RMC1: variants seen among roughly 807,000 people sequenced by gnomAD.
RMC1 encodes regulator of MON1-CCZ1 complex.
A neutral mutation model predicts 95.5 loss-of-function variants in RMC1; 44 were observed. The observed-to-expected ratio is 0.46, with a 90% CI of 0.36 to 0.59. The LOEUF (loss-of-function observed/expected upper bound fraction) is 0.59, where lower values mean the gene tolerates loss of function less well. Among genes scored for constraint, RMC1 ranks in the 20% least tolerant of loss-of-function variants. The pLI, the probability that RMC1 is intolerant of heterozygous loss-of-function variation, is 0.00. For synonymous variants in RMC1, 320 were observed against 303.6 expected, an observed-to-expected ratio of 1.05 and a Z score of -0.56; for missense variants, 705 against 819.6, an observed-to-expected ratio of 0.86 and a Z score of 1.71.
At chr18:23,503,781 GC>G in intron 1 of RMC1, 61 bp downstream of exon 1, 1 of 1,414,734 alleles carries the variant, frequency 7.1e-7, no homozygotes, top group Non-Finnish European at 9.5e-7. Context: ...GCGCGCCAAG[GC>G]CGGTCCCGCG....
chr18:23,529,412 A>C (rs1447386593), intron 15 of RMC1, 114 bp downstream of exon 15: 4 of 1,461,254 alleles, frequency 2.7e-6, no homozygotes, highest in Non-Finnish European at 3.6e-6. Flanking sequence ...GAATCACTGG[A>C]GTTTCCTTGG....
chr18:23,514,427 G>A (rs775019686), intron 5 of RMC1, among the ~76,000 whole-genome samples: 3 of 152,148 alleles, frequency 2.0e-5, no homozygotes, highest in African/African-American at 7.2e-5. Flanking sequence ...TGTGGTGGTG[G>A]GCGCCTATAA....
chr18:23,504,478 G>A (rs766399331), intron 2 of RMC1, 31 bp downstream of exon 2: 4 of 1,552,162 alleles, frequency 2.6e-6, no homozygotes, highest in East Asian at 2.2e-5. Context: ...AGATCATTTT[G>A]TCATGTAAAC....
chr18:23,506,708 A>G (rs916020436), intron 2 of RMC1: 10 of 344,894 alleles, frequency 2.9e-5, no homozygotes, highest in Admixed American at 1.9e-4. Flanking sequence ...TTATGTTGGA[A>G]CAATTCTCAG....
Position 23,516,325 on chromosome 18 carries a change from C to T in RMC1, c.555C>T (p.Gly185=). ...NVLQPFHFRA[G]TMSKLPKFEI... ...AACATTTTCCCCCTAAACAGGCTGG[C>T]ACTATGTCGAAGCTGCCCAAATTTG... Residue 185 remains glycine, a synonymous_variant, in exon 7 of 20, where the codon GGC becomes GGT. Coordinates refer to ENST00000269221, the MANE Select transcript of RMC1 (RefSeq NM_013326.5). The T allele has an allele frequency of 6.2e-7, 1 of 1,614,182 alleles. No individual in the cohort carries two copies. The highest frequency in any genetic ancestry group is 1.7e-5 in the Admixed American group (1 of 60,022).
At position 23,531,530 on chromosome 18, in the gene RMC1, A is replaced by G. The variant is rs953067560; in HGVS notation, c.1895-95A>G. ...AAACAATGTATTTTATTAAAGAAAA[A>G]TAAGTTAAAACCCAGTAGACACACC... On this transcript the variant is annotated intron_variant, in intron 19 of 19. Coordinates refer to ENST00000269221, the MANE Select transcript of RMC1 (RefSeq NM_013326.5). 7 of 1,526,226 alleles carry G rather than the reference A, an allele frequency of 4.6e-6. No homozygotes were observed. The Admixed American group carries it at 9.1e-5, about 20-fold the overall frequency. The allele number at this position is 1,526,226 out of a possible 1,614,324, so 94.5% of individuals were successfully genotyped here.
intron 2 of RMC1, among the ~76,000 whole-genome samples, chr18:23,505,305 G>T (rs1032385506): frequency 1.3e-5 from 2 of 152,012 alleles, no homozygotes; most frequent in Non-Finnish European, 2.9e-5. Flanking sequence ...AAAACGATCC[G>T]CCCGCCTCAG....
chr18:23,523,296 C>T (rs924262638), intron 10 of RMC1, among the ~76,000 whole-genome samples: 1 of 152,024 alleles, frequency 6.6e-6, no homozygotes, highest in Non-Finnish European at 1.5e-5. Context: ...CTGCATGGCT[C>T]ATGAGCAGTA....
At chr18:23,530,339 C>G in intron 18 of RMC1, 42 bp downstream of exon 18, 1 of 1,613,988 alleles carries the variant, frequency 6.2e-7, no homozygotes, top group Non-Finnish European at 8.5e-7. Context: ...GAAACTAACT[C>G]TGTTCCTGTT....
Position 23,516,398 on chromosome 18 carries a change from G to A in RMC1, c.628G>A (p.Glu210Lys). 1 of 1,614,188 alleles carries A rather than the reference G, an allele frequency of 6.2e-7. No individual in the cohort carries two copies. Among genetic ancestry groups the A allele is most frequent in the Non-Finnish European group, 8.5e-7 (1 of 1,180,028 alleles). The change falls in exon 7 of 20, where the codon GAA becomes AAA. Residue 210 changes from glutamate to lysine, a missense_variant. Glu to Lys is a moderately conservative substitution (Grantham distance 56, BLOSUM62 1). Transcript: ENST00000269221. ...APKSTKPSLS[E>K]RDIAMATIYG... The stretch of plus-strand genomic sequence containing the variant: ...TAAGTCAACTAAACCCAGCCTTTCC[G>A]AAAGAGACATCGCAATGGCTACCAT...
At chr18:23,515,796 G>A (rs2057986986) in intron 5 of RMC1, 60 bp from the exon 6 acceptor site, 1 of 1,603,676 alleles carries the variant, frequency 6.2e-7, no homozygotes, top group Admixed American at 1.7e-5. Flanking sequence ...GCCTCCCAAA[G>A]TGCTGGGATT....
At chr18:23,511,827 A>C (rs1294358450) in intron 5 of RMC1, among the ~76,000 whole-genome samples, 1 of 152,114 alleles carries the variant, frequency 6.6e-6, no homozygotes, top group African/African-American at 2.4e-5. Flanking sequence ...ATGCTTGTAC[A>C]CACTTCTTTA....
rs7245127 is a variant in RMC1, at chr18:23,515,960, G to A, written c.513G>A (p.Thr171=). Residue 171 remains threonine (T), a synonymous_variant, in exon 6 of 20, where the codon ACG becomes ACA. Coordinates refer to ENST00000269221, the MANE Select transcript of RMC1 (RefSeq NM_013326.5). The part of the protein sequence containing the change: ...PESAVILLST[T]VLENVLQPFH... The stretch of plus-strand genomic sequence containing the variant: ...GCGCCGTGATCTTGCTGTCTACCAC[G>A]GTCCTGGAGAATGTCCTGCAGCCTT... 2.1e-3 allele frequency: 3,358 copies of A among 1,614,020 alleles called. 61 individuals carry two copies. The African/African-American group carries it at 0.04, about 19-fold the overall frequency.
intron 5 of RMC1, among the ~76,000 whole-genome samples, chr18:23,515,585 A>G (rs907381450): frequency 6.6e-6 from 1 of 152,170 alleles, no homozygotes; most frequent in African/African-American, 2.4e-5. Flanking sequence ...CTGGAGTGTG[A>G]TGGTGCAATC....
At chr18:23,504,295 A>G in intron 1 of RMC1, 76 bp from the exon 2 acceptor site, 1 of 1,252,916 alleles carries the variant, frequency 8.0e-7, no homozygotes, top group Non-Finnish European at 1.2e-6. Context: ...AACAGAAATA[A>G]TCGCTTGCGG....
At chr18:23,511,181 A>G (rs554875668) in intron 5 of RMC1, among the ~76,000 whole-genome samples, 1 of 152,360 alleles carries the variant, frequency 6.6e-6, no homozygotes. Context: ...TTGTGGGAAC[A>G]TGGATGGAGC....
chr18:23,525,965 CTGTA>C (rs2145258572), intron 12 of RMC1, among the ~76,000 whole-genome samples: 1 of 152,314 alleles, frequency 6.6e-6, no homozygotes, highest in South Asian at 2.1e-4. Flanking sequence ...GTGACATCCA[CTGTA>C]TGTATGTAAT....
chr18:23,506,177 A>G (rs1201714208), intron 2 of RMC1: 2 of 152,196 alleles, frequency 1.3e-5, no homozygotes, highest in Non-Finnish European at 2.9e-5. Flanking sequence ...AAAAAAAAAA[A>G]AAAAAAGATT....
intron 10 of RMC1, chr18:23,522,540 A>C (rs901684447): frequency 6.6e-6 from 1 of 152,380 alleles, no homozygotes; most frequent in Non-Finnish European, 1.5e-5. Flanking sequence ...GTGTGGCCCA[A>C]GACCATTCTT....
Sources: allele counts gnomAD v4.1 joint callset (sites outside exome capture counted in the v4.1 genomes callset), GRCh38; gene constraint gnomAD v4.1.1; transcripts MANE v1.5; gene names NCBI Gene and HGNC (gene_info 2026-07-23, HGNC 2026-07-21).